DNAL1: variants seen among roughly 807,000 people sequenced by gnomAD.
The protein encoded by DNAL1 is chromosome 14 open reading frame 168.
A neutral mutation model predicts 29.4 loss-of-function variants in DNAL1; 17 were observed. That is an observed-to-expected ratio of 0.58 (90% CI 0.40 to 0.87). The LOEUF (loss-of-function observed/expected upper bound fraction) is 0.87, where lower values mean the gene tolerates loss of function less well. Ranked by LOEUF, DNAL1 falls within the 40% of genes least tolerant of loss-of-function variation. DNAL1 has a pLI of 0.00. For synonymous variants in DNAL1, 78 were observed against 76.3 expected (o/e 1.02, Z -0.12); for missense variants, 188 against 214.1 (o/e 0.88, Z 0.76).
intron 4 of DNAL1, among the ~76,000 whole-genome samples, chr14:73,670,500 T>C (rs1320551136): frequency 6.6e-6 from 1 of 152,108 alleles, no homozygotes; most frequent in Non-Finnish European, 1.5e-5. Context: ...TCCTGGGTGT[T>C]TCAAAAAGAA....
intron 4 of DNAL1, among the ~76,000 whole-genome samples, chr14:73,666,387 A>G (rs1891480109): frequency 6.6e-6 from 1 of 152,128 alleles, no homozygotes; most frequent in Admixed American, 6.5e-5. Context: ...TAGAAAATAA[A>G]TTTTGTTGCC....
rs72721725 is a variant in DNAL1, at chr14:73,689,526, C to G, written c.532+11C>G. 4.4e-6 allele frequency: 7 copies of G among 1,586,656 alleles called. No individual in the cohort carries two copies. In the Admixed American group the frequency reaches 1.3e-4, roughly 29 times the overall value. ...TGAAAAAGCTGGATGGTGAGTGATT[C>G]TGAGCTGGCTTAGACATATCTTCTA... On this transcript the variant is annotated intron_variant, in intron 7 of 7. Transcript: ENST00000553645.
At chr14:73,676,031 G>A (rs1399219811) in intron 5 of DNAL1, among the ~76,000 whole-genome samples, 1 of 150,876 alleles carries the variant, frequency 6.6e-6, no homozygotes, top group Non-Finnish European at 1.5e-5. Flanking sequence ...AAATAAATAA[G>A]TAAATAATAA....
intron 1 of DNAL1, among the ~76,000 whole-genome samples, chr14:73,648,597 G>T (rs1891038073): frequency 6.7e-6 from 1 of 149,276 alleles, no homozygotes; most frequent in Non-Finnish European, 1.5e-5. Context: ...TGTGTTTTTA[G>T]TAGAGAGAGG....
In DNAL1 at chr14:73,696,078, T is replaced by C. The variant is rs1404657226; in HGVS notation, c.*136T>C. The C allele has an allele frequency of 1.4e-6, 1 of 733,278 alleles. No individual in the cohort carries two copies. Among genetic ancestry groups the C allele is most frequent in the Non-Finnish European group, 2.1e-6 (1 of 487,298 alleles). The allele number at this position is 733,278 out of a possible 1,614,324, so 45.4% of individuals were successfully genotyped here. ...ATAAAACAGATCACTCATTCTCATCTTTTTTTTTCCTTTAACTTATTCAGT... is the reference window on the plus strand; with the variant it reads ...ATAAAACAGATCACTCATTCTCATCCTTTTTTTTCCTTTAACTTATTCAGT... On this transcript the variant is annotated 3_prime_UTR_variant, in exon 8 of 8. Transcript: ENST00000553645.
chr14:73,691,315 C>A (rs148775125), intron 7 of DNAL1, among the ~76,000 whole-genome samples: 1 of 151,984 alleles, frequency 6.6e-6, no homozygotes, highest in Non-Finnish European at 1.5e-5. Flanking sequence ...TTTGGGAGGC[C>A]GAGGTGGGAG....
At chr14:73,652,129 G>A (rs552637284) in intron 1 of DNAL1, among the ~76,000 whole-genome samples, 2 of 152,058 alleles carry the variant, frequency 1.3e-5, no homozygotes, top group South Asian at 2.1e-4. Flanking sequence ...CTGACCTCCC[G>A]GGCTCTAGTG....
In DNAL1 at chr14:73,675,877, T is replaced by C. The variant is rs12885644; in HGVS notation, c.264+4280T>C. On this transcript the variant is annotated intron_variant, in intron 5 of 7. Transcript: ENST00000553645. ...TAAAAATACAAAAATTAGCCAGGCC[T>C]GGTGGCGCGTGCCTGTAATCCCAGC... is the stretch of plus-strand genomic sequence containing the variant. 6.5e-3 allele frequency among the ~76,000 whole-genome samples: 990 copies of C among 151,892 alleles called. 6 individuals carry two copies. The highest frequency in any genetic ancestry group is 0.02 in the Middle Eastern group (6 of 294).
At position 73,654,858 on chromosome 14, in the gene DNAL1, A is replaced by C; in HGVS notation, c.15A>C (p.Thr5=). The change falls in exon 2 of 8, where the codon ACA becomes ACC. Residue 5 remains threonine, a synonymous_variant. Transcript: ENST00000553645. ...TTTTTTTTTTAAAGGCGAAAGCAAC[A>C]ACAATCAAAGAAGCCTTAGCGAGAT... The part of the protein sequence containing the change: MAKA[T]TIKEALARWE... The C allele has an allele frequency of 6.5e-7, 1 of 1,532,036 alleles. No homozygotes were observed. Among genetic ancestry groups the C allele is most frequent in the Non-Finnish European group, 8.8e-7 (1 of 1,142,156 alleles). 94.9% of individuals were successfully genotyped at this position (1,532,036 alleles called of 1,614,324 possible). A position where few individuals can be genotyped will look rare whatever the true frequency, so the allele number is the denominator to read the frequency against.
chr14:73,661,025 C>T (rs1221570919), intron 3 of DNAL1, among the ~76,000 whole-genome samples: 2 of 152,078 alleles, frequency 1.3e-5, no homozygotes, highest in East Asian at 3.8e-4. Flanking sequence ...CAGTCATTTA[C>T]CTGACTCGCA....
intron 1 of DNAL1, among the ~76,000 whole-genome samples, chr14:73,647,378 A>G (rs76674501): frequency 4.7e-5 from 5 of 106,450 alleles, no homozygotes; most frequent in Non-Finnish European, 9.6e-5. Context: ...AAAAAAAAAA[A>G]AAAGAAAAAG....
intron 1 of DNAL1, among the ~76,000 whole-genome samples, chr14:73,654,410 G>C (rs1430893758): frequency 6.6e-6 from 1 of 152,142 alleles, no homozygotes; most frequent in African/African-American, 2.4e-5. Context: ...TTTAATGGTA[G>C]AAGCCAAGGC....
chr14:73,682,827 A>G (rs1363435698), intron 5 of DNAL1, among the ~76,000 whole-genome samples: 1 of 150,088 alleles, frequency 6.7e-6, no homozygotes, highest in East Asian at 2.0e-4. Context: ...CCTTCTTTCT[A>G]GAATACCTCC....
chr14:73,658,064 A>G (rs1163107500), intron 2 of DNAL1, among the ~76,000 whole-genome samples: 2 of 151,972 alleles, frequency 1.3e-5, no homozygotes, highest in Non-Finnish European at 2.9e-5. Flanking sequence ...TTAATTCATC[A>G]TGGTTGATTT....
rs1595197335 is a variant in DNAL1, at chr14:73,647,731, C to G, written c.3+2689C>G. ...CTATCCATAGGAAAACCAGTTAAAC[C>G]TTATACAAATTTATATTGCTGCAAT... On this transcript the variant is annotated intron_variant, in intron 1 of 7. Coordinates refer to ENST00000553645, the MANE Select transcript of DNAL1 (RefSeq NM_031427.4). Among the ~76,000 whole-genome samples, 3 of 152,266 alleles carry G rather than the reference C, an allele frequency of 2.0e-5. 1 individual carries two copies. The highest frequency in any genetic ancestry group is 2.0e-4 in the Admixed American group (3 of 15,282).
At chr14:73,677,557 TA>T (rs1473242325) in intron 5 of DNAL1, among the ~76,000 whole-genome samples, 25 of 149,084 alleles carry the variant, frequency 1.7e-4, no homozygotes, top group African/African-American at 3.9e-4. Flanking sequence ...TTTATTTATT[TA>T]TTTATTTATT....
chr14:73,681,625 AAAAAAAAAATATATAT>A (rs1891884805), intron 5 of DNAL1, among the ~76,000 whole-genome samples: 1 of 47,222 alleles, frequency 2.1e-5, no homozygotes, highest in East Asian at 4.4e-4. Context: ...AAAAAAAAAA[AAAAAAAAAATATATAT>A]ATATATATAT....
At chr14:73,695,639 C>T (rs1415285724) in intron 7 of DNAL1, among the ~76,000 whole-genome samples, 1 of 152,110 alleles carries the variant, frequency 6.6e-6, no homozygotes, top group Non-Finnish European at 1.5e-5. Flanking sequence ...AAGCGATTCT[C>T]CTGCCTCAGC....
chr14:73,664,024 C>T (rs1240340728), intron 4 of DNAL1, among the ~76,000 whole-genome samples: 2 of 152,140 alleles, frequency 1.3e-5, no homozygotes, highest in Non-Finnish European at 2.9e-5. Context: ...CCTCCCTGTA[C>T]AGGTTCCCAG....
Sources: gnomAD v4.1 joint callset for allele counts (sites outside exome capture counted in the v4.1 genomes callset) on GRCh38, gnomAD v4.1.1 for gene constraint, MANE v1.5 for transcripts, NCBI Gene and HGNC (gene_info 2026-07-23, HGNC 2026-07-21) for gene names.